KIAA0319L: variants seen among roughly 807,000 people sequenced by gnomAD.
The protein encoded by KIAA0319L is KIAA0319 like.
KIAA0319L carries 55 observed loss-of-function variants against 120.1 expected under a neutral mutation model. The ratio of observed to expected loss-of-function variants is 0.46; its 90% CI spans 0.37 to 0.57. KIAA0319L has a LOEUF of 0.57. KIAA0319L is among the 20% of genes least tolerant of loss of function. KIAA0319L has a pLI of 0.00. For synonymous variants in KIAA0319L, 398 were observed against 471.9 expected (o/e 0.84, Z 2.03); for missense variants, 1,049 against 1,255.3 (o/e 0.84, Z 2.48).
rs1250762515 is a variant in KIAA0319L at position 35,433,641 on chromosome 1, C to G, written c.*1253G>C. On this transcript the variant is annotated 3_prime_UTR_variant, in exon 21 of 21. Coordinates refer to ENST00000325722, the MANE Select transcript of KIAA0319L (RefSeq NM_024874.5). ...TGGAACAGGGCCAGGGTGAGGGGGA[C>G]TCAGGAAGTCTTGGTTCCAAGGAGA... 4.6e-5 allele frequency: 7 copies of G among 152,294 alleles called. No individual in the cohort carries two copies. Among genetic ancestry groups the G allele is most frequent in the African/African-American group, 1.7e-4 (7 of 41,464 alleles). The allele number at this position is 152,294 out of a possible 1,614,324, so 9.4% of individuals were successfully genotyped here.
intron 17 of KIAA0319L, 159 bp from the exon 18 acceptor site, chr1:35,443,187 C>T (rs556874446): frequency 6.1e-5 from 46 of 749,958 alleles, no homozygotes; most frequent in South Asian, 2.2e-4. Context: ...TTTCTCATCT[C>T]GACTGGACAA....
At chr1:35,466,005 C>G (rs541537689) in intron 7 of KIAA0319L, among the ~76,000 whole-genome samples, 2 of 152,286 alleles carry the variant, frequency 1.3e-5, no homozygotes, top group Non-Finnish European at 1.5e-5. Context: ...GTAAATTGCC[C>G]AGTCTCAGGT....
At chr1:35,461,131 A>AT (rs1642862250) in intron 8 of KIAA0319L, among the ~76,000 whole-genome samples, 1 of 152,174 alleles carries the variant, frequency 6.6e-6, no homozygotes, top group Non-Finnish European at 1.5e-5. Flanking sequence ...CTACTTAATC[A>AT]TTTTTTAAAA....
intron 9 of KIAA0319L, among the ~76,000 whole-genome samples, chr1:35,457,958 C>G (rs374864740): frequency 1.3e-5 from 2 of 152,064 alleles, no homozygotes; most frequent in Non-Finnish European, 2.9e-5. Context: ...TTTTCTGAGA[C>G]GGAGTCTCGC....
At chr1:35,480,614 T>C (rs908425840) in intron 3 of KIAA0319L, among the ~76,000 whole-genome samples, 1 of 151,996 alleles carries the variant, frequency 6.6e-6, no homozygotes, top group African/African-American at 2.4e-5. Flanking sequence ...AAACCCCATC[T>C]CTACTAAAAA....
intron 9 of KIAA0319L, among the ~76,000 whole-genome samples, chr1:35,459,630 C>T (rs189034560): frequency 1.3e-5 from 2 of 151,976 alleles, no homozygotes; most frequent in East Asian, 3.9e-4. Flanking sequence ...ATTTAAGTTC[C>T]AGCTGTGAGA....
intron 2 of KIAA0319L, among the ~76,000 whole-genome samples, chr1:35,515,312 C>CAAAAA (rs765616874): frequency 1.5e-5 from 1 of 67,450 alleles, no homozygotes. Context: ...AACTCCATCT[C>CAAAAA]AAAAAAAAAA....
intron 20 of KIAA0319L, chr1:35,439,835 A>G (rs1641071693): frequency 6.6e-6 from 1 of 152,198 alleles, no homozygotes; most frequent in African/African-American, 2.4e-5. Context: ...GATGAACCAG[A>G]AGAACTTGTT....
chr1:35,457,118 A>C (rs1642526097), intron 9 of KIAA0319L, among the ~76,000 whole-genome samples: 1 of 152,166 alleles, frequency 6.6e-6, no homozygotes. Context: ...CATAACAACC[A>C]TATAGAGTAG....
intron 2 of KIAA0319L, among the ~76,000 whole-genome samples, chr1:35,526,304 C>T (rs956936151): frequency 7.0e-6 from 1 of 143,538 alleles, no homozygotes; most frequent in African/African-American, 2.5e-5. Context: ...TATATATGTA[C>T]ATATATACAT....
chr1:35,473,757 C>G (rs886953728), intron 5 of KIAA0319L, among the ~76,000 whole-genome samples: 4 of 152,166 alleles, frequency 2.6e-5, no homozygotes, highest in African/African-American at 9.7e-5. Context: ...GGTATTAGGC[C>G]TAGAAATTAA....
rs1262334360 is a variant in KIAA0319L at position 35,484,449 on chromosome 1, T to C, written c.667-5237A>G. Among the ~76,000 whole-genome samples the C allele has an allele frequency of 2.0e-5, 3 of 152,152 alleles. No homozygotes were observed. In the South Asian group the frequency reaches 6.2e-4, roughly 31 times the overall value. ...TAAAACTTCAATTCCCAATTATTCA[T>C]TGCTAATATAGAAACACAAGTGATT... On this transcript the variant is annotated intron_variant, in intron 3 of 20. Transcript: ENST00000325722.
chr1:35,503,494 T>A (rs1349870047), intron 3 of KIAA0319L, among the ~76,000 whole-genome samples: 1 of 152,202 alleles, frequency 6.6e-6, no homozygotes, highest in African/African-American at 2.4e-5. Flanking sequence ...CTTTTTTATT[T>A]CCATCTCTTC....
chr1:35,440,808 GA>G, intron 20 of KIAA0319L: 1 of 531,360 alleles, frequency 1.9e-6, no homozygotes, highest in South Asian at 2.6e-5. Flanking sequence ...CCAGGCAAAG[GA>G]AAACAACAGG....
chr1:35,518,925 AC>A (rs1211955826), intron 2 of KIAA0319L, among the ~76,000 whole-genome samples: 1 of 147,242 alleles, frequency 6.8e-6, no homozygotes, highest in Non-Finnish European at 1.5e-5. Context: ...AATTGCTTGA[AC>A]CCAGGAGGCG....
At chr1:35,466,132 T>A (rs1288894887) in intron 7 of KIAA0319L, among the ~76,000 whole-genome samples, 1 of 152,182 alleles carries the variant, frequency 6.6e-6, no homozygotes, top group Non-Finnish European at 1.5e-5. Context: ...CTACAGTGGT[T>A]CATTTTAAAA....
In KIAA0319L at chr1:35,450,401, ACTATTCC is replaced by A; in HGVS notation, c.2164_2170del (p.Gly722SerfsTer18). On this transcript the variant is annotated frameshift_variant, in exon 14 of 21. Transcript: ENST00000325722. LOFTEE classifies it high-confidence loss of function. ...CTCATCTCGAGTCCAGAGGTAGCTG[ACTATTCC>A]CTTGTCATCTGAGGACTTAGAGCCA... 1 of 1,614,112 alleles carries A rather than the reference ACTATTCC, an allele frequency of 6.2e-7. No homozygotes were observed. The highest frequency in any genetic ancestry group is 2.2e-5 in the East Asian group (1 of 44,890).
intron 5 of KIAA0319L, among the ~76,000 whole-genome samples, chr1:35,471,721 A>T (rs989509892): frequency 2.1e-4 from 32 of 152,288 alleles, no homozygotes; most frequent in African/African-American, 7.7e-4. Context: ...AGTTTAAGTT[A>T]CTAACCAAAA....
chr1:35,555,371 C>T (rs1382738511), intron 1 of KIAA0319L, among the ~76,000 whole-genome samples: 1 of 152,192 alleles, frequency 6.6e-6, no homozygotes, highest in Non-Finnish European at 1.5e-5. Context: ...CTCCTATCCA[C>T]GGCCAGCATA....
Sources: gnomAD v4.1 joint callset for allele counts (sites outside exome capture counted in the v4.1 genomes callset) on GRCh38, gnomAD v4.1.1 for gene constraint, MANE v1.5 for transcripts, NCBI Gene and HGNC (gene_info 2026-07-23, HGNC 2026-07-21) for gene names.